MRPS27: variants seen among roughly 807,000 people sequenced by gnomAD.
The protein encoded by MRPS27 is small ribosomal subunit protein mS27.
MRPS27 carries 43 observed loss-of-function variants against 48.9 expected under a neutral mutation model. The observed-to-expected ratio is 0.88, with a 90% CI of 0.69 to 1.13. The LOEUF (loss-of-function observed/expected upper bound fraction) is 1.13. Ranked by LOEUF, MRPS27 falls within the 50% of genes most tolerant of loss-of-function variation. The pLI is 0.00. For synonymous variants in MRPS27, 188 were observed against 171.9 expected (o/e 1.09, Z -0.73); for missense variants, 467 against 476.3 (o/e 0.98, Z 0.18).
At chr5:72,240,948 C>G (rs1296765048) in intron 4 of MRPS27, among the ~76,000 whole-genome samples, 1 of 152,230 alleles carries the variant, frequency 6.6e-6, no homozygotes, top group Non-Finnish European at 1.5e-5. Flanking sequence ...ACTCCCTCTC[C>G]TATCCTGGGA....
intron 4 of MRPS27, among the ~76,000 whole-genome samples, chr5:72,291,241 A>T (rs1373704640): frequency 1.3e-5 from 2 of 152,314 alleles, no homozygotes; most frequent in African/African-American, 4.8e-5. Context: ...GAGTATTTAA[A>T]ACCCAAAAAA....
intron 2 of MRPS27, among the ~76,000 whole-genome samples, chr5:72,299,313 TAAAAGAAA>T (rs1402007920): frequency 4.0e-5 from 3 of 74,742 alleles, no homozygotes; most frequent in Non-Finnish European, 9.4e-5. Flanking sequence ...AAGAAAAAAA[TAAAAGAAA>T]AAAAAAAAAG....
chr5:72,302,593 CCA>C (rs948376065), intron 2 of MRPS27, among the ~76,000 whole-genome samples: 1 of 152,132 alleles, frequency 6.6e-6, no homozygotes, highest in Admixed American at 6.5e-5. Context: ...CAATTTTCCC[CCA>C]AATATATGAC....
chr5:72,237,980 G>A lies in MRPS27; in HGVS notation c.396+34C>T, dbSNP rs748884162. 89 of 1,489,534 alleles carry A rather than the reference G, an allele frequency of 6.0e-5. 1 individual carries two copies. Among genetic ancestry groups the A allele is most frequent in the Middle Eastern group, 3.4e-4 (2 of 5,804 alleles). 92.3% of individuals were successfully genotyped at this position (1,489,534 alleles called of 1,614,324 possible). A position where few individuals can be genotyped will look rare whatever the true frequency, so the allele number is the denominator to read the frequency against. On this transcript the variant is annotated intron_variant, in intron 5 of 10. Transcript: ENST00000261413. Reference sequence around the variant, plus strand: ...ACAAACACCATATCACCTAAACTCAGGAAAACAGGCTGCAGATCCACGGAA... The same window carrying A: ...ACAAACACCATATCACCTAAACTCAAGAAAACAGGCTGCAGATCCACGGAA...
chr5:72,240,784 C>T (rs2111965553), intron 4 of MRPS27, among the ~76,000 whole-genome samples: 1 of 152,318 alleles, frequency 6.6e-6, no homozygotes, highest in African/African-American at 2.4e-5. Context: ...GCAAGAAAGT[C>T]TTTTCTTCTC....
intron 4 of MRPS27, among the ~76,000 whole-genome samples, chr5:72,271,655 T>G (rs1192040707): frequency 6.6e-6 from 1 of 152,188 alleles, no homozygotes; most frequent in South Asian, 2.1e-4. Context: ...CTGACAAAAT[T>G]TGAATATGGA....
intron 10 of MRPS27, among the ~76,000 whole-genome samples, chr5:72,221,552 T>C (rs533612808): frequency 6.6e-6 from 1 of 152,332 alleles, no homozygotes; most frequent in Admixed American, 6.5e-5. Flanking sequence ...CAAATCTATG[T>C]TTCCACCCTG....
chr5:72,249,992 A>G (rs1748616751), intron 4 of MRPS27, among the ~76,000 whole-genome samples: 1 of 151,428 alleles, frequency 6.6e-6, no homozygotes, highest in Non-Finnish European at 1.5e-5. Flanking sequence ...TCAAAAACAA[A>G]AAACAAAAAA....
chr5:72,319,316 T>C (rs1315589459), intron 1 of MRPS27, among the ~76,000 whole-genome samples: 3 of 152,094 alleles, frequency 2.0e-5, no homozygotes, highest in Non-Finnish European at 4.4e-5. Flanking sequence ...ATAGCATTTA[T>C]TATCTACACG....
At chr5:72,241,599 T>G (rs2111967012) in intron 4 of MRPS27, 1 of 1,503,680 alleles carries the variant, frequency 6.7e-7, no homozygotes, top group Admixed American at 2.0e-5. Flanking sequence ...CTTTTCAACT[T>G]CCAGTAGTAA....
At chr5:72,288,877 G>A (rs889438340) in intron 4 of MRPS27, 7 of 152,172 alleles carry the variant, frequency 4.6e-5, no homozygotes, top group African/African-American at 1.2e-4. Context: ...CTGCGTAAAC[G>A]AATGCATGCT....
intron 7 of MRPS27, among the ~76,000 whole-genome samples, chr5:72,230,332 G>A (rs1045840661): frequency 3.3e-5 from 5 of 151,976 alleles, no homozygotes; most frequent in Non-Finnish European, 5.9e-5. Context: ...CAACTTCCCC[G>A]CTTTATTCTC....
intron 4 of MRPS27, among the ~76,000 whole-genome samples, chr5:72,259,881 C>G (rs189176053): frequency 2.6e-5 from 4 of 152,194 alleles, no homozygotes; most frequent in Admixed American, 2.6e-4. Flanking sequence ...TAAATTTTTA[C>G]GAATATGACA....
intron 2 of MRPS27, among the ~76,000 whole-genome samples, chr5:72,312,987 A>G (rs952094639): frequency 9.2e-5 from 14 of 152,198 alleles, no homozygotes; most frequent in Non-Finnish European, 2.9e-5. Flanking sequence ...CAAGATGGCA[A>G]AAGAAGAGTA....
chr5:72,266,821 C>T (rs1229844757), intron 4 of MRPS27, among the ~76,000 whole-genome samples: 1 of 151,980 alleles, frequency 6.6e-6, no homozygotes, highest in Non-Finnish European at 1.5e-5. Flanking sequence ...GATCGCCCCA[C>T]TGCACTCCAG....
intron 8 of MRPS27, 173 bp downstream of exon 8, chr5:72,228,093 T>C: frequency 3.3e-6 from 2 of 602,936 alleles, no homozygotes; most frequent in Non-Finnish European, 5.8e-6. Context: ...GAACCCTCTT[T>C]ACTCTCTTAT....
chr5:72,221,333 T>C (rs879558785), intron 10 of MRPS27, among the ~76,000 whole-genome samples, 185 bp from the exon 11 acceptor site: 1 of 152,200 alleles, frequency 6.6e-6, no homozygotes, highest in Non-Finnish European at 1.5e-5. Context: ...ATTTTGCTGG[T>C]AGAAAAAAAC....
At chr5:72,269,098 T>C (rs894786987) in intron 4 of MRPS27, among the ~76,000 whole-genome samples, 5 of 152,230 alleles carry the variant, frequency 3.3e-5, no homozygotes, top group African/African-American at 1.2e-4. Flanking sequence ...TGCAGTATAA[T>C]TCAGGATTGT....
intron 4 of MRPS27, among the ~76,000 whole-genome samples, chr5:72,256,192 A>G (rs553678538): frequency 6.6e-6 from 1 of 152,356 alleles, no homozygotes; most frequent in Non-Finnish European, 1.5e-5. Flanking sequence ...TAAGGTTACC[A>G]CAAATGTGTA....
Sources: allele counts gnomAD v4.1 joint callset (sites outside exome capture counted in the v4.1 genomes callset), GRCh38; gene constraint gnomAD v4.1.1; transcripts MANE v1.5; gene names NCBI Gene and HGNC (gene_info 2026-07-23, HGNC 2026-07-21).